CUL1: variants seen among roughly 807,000 people sequenced by gnomAD.
CUL1 encodes cullin 1.
In CUL1, 24 loss-of-function variants were observed where a neutral mutation model predicts 118.0. The ratio of observed to expected loss-of-function variants is 0.20; its 90% CI spans 0.15 to 0.29. The LOEUF (loss-of-function observed/expected upper bound fraction) is 0.29, where lower values mean the gene tolerates loss of function less well. Among genes scored for constraint, CUL1 ranks in the 10% least tolerant of loss-of-function variants. CUL1 has a pLI of 1.00. For synonymous variants in CUL1, 332 were observed against 340.4 expected, an observed-to-expected ratio of 0.98 and a Z score of 0.27; for missense variants, 361 against 933.8, an observed-to-expected ratio of 0.39 and a Z score of 7.99.
chr7:148,738,796 A>T (rs983040231), intron 2 of CUL1, among the ~76,000 whole-genome samples: 2 of 152,074 alleles, frequency 1.3e-5, no homozygotes, highest in African/African-American at 4.8e-5. Flanking sequence ...ACTTGTCCTC[A>T]TACTGTTTTA....
At chr7:148,748,492 G>A (rs537829105) in intron 2 of CUL1, among the ~76,000 whole-genome samples, 2 of 152,296 alleles carry the variant, frequency 1.3e-5, no homozygotes, top group Non-Finnish European at 2.9e-5. Context: ...TTTCAAATAT[G>A]TATATTAGTT....
At chr7:148,751,728 C>T (rs528683220) in intron 2 of CUL1, among the ~76,000 whole-genome samples, 1 of 151,892 alleles carries the variant, frequency 6.6e-6, no homozygotes, top group Admixed American at 6.6e-5. Flanking sequence ...TGTAAATGTG[C>T]GTTACACAGT....
chr7:148,710,298 G>T (rs1563146338), intron 1 of CUL1, among the ~76,000 whole-genome samples: 1 of 118,270 alleles, frequency 8.5e-6, no homozygotes, highest in Non-Finnish European at 1.7e-5. Flanking sequence ...CAGTGGGCCG[G>T]GCGCGGTACG....
At position 148,796,973 on chromosome 7, in the gene CUL1, C is replaced by T. The variant is rs570336113; in HGVS notation, c.1900-839C>T. ...ATTATGACGACAGGACTCCACTGCC[C>T]GTGGGTTGTAAGAGTCCGTGTGACT... On this transcript the variant is annotated intron_variant, in intron 17 of 21. Coordinates refer to ENST00000325222, the MANE Select transcript of CUL1 (RefSeq NM_003592.3). Among the ~76,000 whole-genome samples the T allele has an allele frequency of 2.3e-4, 35 of 152,252 alleles. 1 individual carries two copies. In the South Asian group the frequency reaches 5.8e-3, roughly 25 times the overall value.
rs746540362 is a variant in CUL1, at chr7:148,750,999, AC to A, written c.141-2976del. ...CCTGTCTCTTTAAAAAAAAAAAAAA[AC>A]AAAACAAAACTGTCTATGCCCTAGA... is the stretch of plus-strand genomic sequence containing the variant. On this transcript the variant is annotated intron_variant, in intron 2 of 21. Coordinates refer to ENST00000325222, the MANE Select transcript of CUL1 (RefSeq NM_003592.3). Among the ~76,000 whole-genome samples the A allele has an allele frequency of 5.1e-3, 759 of 147,978 alleles. 7 individuals are homozygous for A. The highest frequency in any genetic ancestry group is 8.1e-3 in the Non-Finnish European group (543 of 66,664).
At chr7:148,778,216 G>A (rs924702543) in intron 9 of CUL1, among the ~76,000 whole-genome samples, 2 of 151,802 alleles carry the variant, frequency 1.3e-5, no homozygotes, top group African/African-American at 4.8e-5. Flanking sequence ...CTTATTGAAA[G>A]AGGTGAGATG....
At chr7:148,721,005 G>A (rs575794492) in intron 1 of CUL1, among the ~76,000 whole-genome samples, 46 of 152,304 alleles carry the variant, frequency 3.0e-4, no homozygotes, top group Non-Finnish European at 6.2e-4. Context: ...GGCTGTATTA[G>A]CCTCTTTTCT....
rs1438600410 is a variant in CUL1, at chr7:148,789,952, A to C, written c.1674+126A>C. The stretch of plus-strand genomic sequence containing the variant: ...CTGGCTGGCTGCATCACGGTGAACC[A>C]TGGGGGCAACACTCAGGGAAGAGCC... On this transcript the variant is annotated intron_variant, in intron 15 of 21. Coordinates refer to ENST00000325222, the MANE Select transcript of CUL1 (RefSeq NM_003592.3). The C allele has an allele frequency of 3.4e-6, 3 of 877,860 alleles. No homozygotes were observed. The East Asian group carries it at 7.2e-5, about 21-fold the overall frequency. 54.4% of individuals were successfully genotyped at this position (877,860 alleles called of 1,614,324 possible).
chr7:148,720,697 C>G (rs1232857277), intron 1 of CUL1, among the ~76,000 whole-genome samples: 1 of 152,148 alleles, frequency 6.6e-6, no homozygotes, highest in Non-Finnish European at 1.5e-5. Flanking sequence ...GAGAGGAGTT[C>G]TGTGTTGAAC....
intron 15 of CUL1, 113 bp from the exon 16 acceptor site, chr7:148,790,197 T>C: frequency 8.5e-7 from 1 of 1,172,270 alleles, no homozygotes; most frequent in South Asian, 1.3e-5. Flanking sequence ...ATTTTACTTT[T>C]ATGTAAGCAC....
At chr7:148,773,056 C>T (rs543378659) in intron 9 of CUL1, among the ~76,000 whole-genome samples, 1 of 152,262 alleles carries the variant, frequency 6.6e-6, no homozygotes, top group Non-Finnish European at 1.5e-5. Context: ...CCACATCTCT[C>T]CCATTCCCAT....
At chr7:148,797,462 A>T (rs1278371471) in intron 17 of CUL1, among the ~76,000 whole-genome samples, 1 of 151,996 alleles carries the variant, frequency 6.6e-6, no homozygotes, top group Non-Finnish European at 1.5e-5. Flanking sequence ...GGGCTGCTGA[A>T]TCTGTAAATC....
Position 148,705,156 on chromosome 7 carries a change from C to T in CUL1, c.-162+6127C>T, listed in dbSNP as rs372426720. 2.0e-3 allele frequency among the ~76,000 whole-genome samples: 299 copies of T among 152,220 alleles called. 10 individuals are homozygous for T. The South Asian group carries it at 0.059, about 30-fold the overall frequency. On this transcript the variant is annotated intron_variant, in intron 1 of 21. Transcript: ENST00000325222. The stretch of plus-strand genomic sequence containing the variant: ...ATTTAATGCCCTCCATGAAACTGTC[C>T]TAATCTCATGAAACTGATTGATGTT...
chr7:148,782,639 G>C (rs1358667499), intron 9 of CUL1, among the ~76,000 whole-genome samples: 1 of 152,016 alleles, frequency 6.6e-6, no homozygotes, highest in Non-Finnish European at 1.5e-5. Flanking sequence ...TTATTATATA[G>C]AGCTTTTTTT....
In CUL1 at chr7:148,699,394, G is replaced by A. The variant is rs557803491; in HGVS notation, c.-162+365G>A. On this transcript the variant is annotated intron_variant, in intron 1 of 21. Transcript: ENST00000325222. The stretch of plus-strand genomic sequence containing the variant: ...CGACCGGGCTGGGTTCTCGGAGGGT[G>A]GGCCGACGTGTGGCCCGGGGCGGCT... Among the ~76,000 whole-genome samples the A allele has an allele frequency of 9.7e-4, 147 of 152,242 alleles. 1 individual carries two copies. The highest frequency in any genetic ancestry group is 3.5e-3 in the African/African-American group (146 of 41,566).
intron 9 of CUL1, among the ~76,000 whole-genome samples, chr7:148,782,077 C>T (rs1027730994): frequency 1.3e-5 from 2 of 152,238 alleles, no homozygotes; most frequent in Admixed American, 6.5e-5. Flanking sequence ...TTTGAATCCT[C>T]GCTGTAGGCT....
chr7:148,734,957 G>A (rs968717047), intron 2 of CUL1, among the ~76,000 whole-genome samples: 1 of 151,900 alleles, frequency 6.6e-6, no homozygotes, highest in African/African-American at 2.4e-5. Flanking sequence ...GAACTTTGAC[G>A]TTTCTATTTG....
At chr7:148,725,867 T>G (rs920165161) in intron 1 of CUL1, among the ~76,000 whole-genome samples, 2 of 152,244 alleles carry the variant, frequency 1.3e-5, no homozygotes, top group African/African-American at 4.8e-5. Flanking sequence ...CCCGCCCACT[T>G]AAGTATGAAT....
chr7:148,762,875 G>A (rs1388770452), intron 7 of CUL1, among the ~76,000 whole-genome samples: 1 of 152,228 alleles, frequency 6.6e-6, no homozygotes, highest in Non-Finnish European at 1.5e-5. Flanking sequence ...GGCCGGGCGC[G>A]GTGGCTCACG....
Sources: allele counts gnomAD v4.1 joint callset (sites outside exome capture counted in the v4.1 genomes callset), GRCh38; gene constraint gnomAD v4.1.1; transcripts MANE v1.5; gene names NCBI Gene and HGNC (gene_info 2026-07-23, HGNC 2026-07-21).